The following CAPN9 variants were observed in gnomAD, a reference collection of about 807,000 sequenced individuals.
CAPN9 encodes calpain 9, also known as calpain-9.
CAPN9 carries 81 observed loss-of-function variants against 92.8 expected under a neutral mutation model. The observed-to-expected ratio is 0.87, with a 90% CI of 0.73 to 1.05. CAPN9 has a LOEUF of 1.05. CAPN9 is among the 50% of genes least tolerant of loss of function. CAPN9 has a pLI of 0.00. For missense variants in CAPN9, 848 were observed against 866.2 expected, an observed-to-expected ratio of 0.98 and a Z score of 0.26; for synonymous variants, 304 against 328.0, an observed-to-expected ratio of 0.93 and a Z score of 0.79.
At chr1:230,797,111 G>A (rs1407914981) in intron 18 of CAPN9, among the ~76,000 whole-genome samples, 2 of 152,162 alleles carry the variant, frequency 1.3e-5, no homozygotes, top group Admixed American at 6.5e-5. Context: ...TGATGACCAG[G>A]CTGCACAGTT....
In CAPN9 at chr1:230,755,248, C is replaced by T. The variant is rs1665148950; in HGVS notation, c.214-89C>T. On this transcript the variant is annotated intron_variant, in intron 1 of 19. Transcript: ENST00000271971. ...TCAAGCACAGGGAAAGCCCTCTGCC[C>T]CAAGAAAGCAGAGAGACCCTGAGCC... 7.6e-6 allele frequency: 8 copies of T among 1,051,868 alleles called. No individual in the cohort carries two copies. The Admixed American group carries it at 1.5e-4, about 19-fold the overall frequency. 65.2% of individuals were successfully genotyped at this position (1,051,868 alleles called of 1,614,324 possible).
chr1:230,795,626 T>C, intron 18 of CAPN9: 1 of 223,882 alleles, frequency 4.5e-6, no homozygotes, highest in Non-Finnish European at 9.0e-6. Flanking sequence ...TCCCCCTTCC[T>C]CCCCCCTTCC....
rs560870499 is a variant in CAPN9 at position 230,768,630 on chromosome 1, AAC to A, written c.706-541_706-540del. On this transcript the variant is annotated intron_variant, in intron 5 of 19. Transcript: ENST00000271971. ...TTTTAAAATTTTCTCTATGCATACA[AAC>A]ACACACACTTATAATTTTATCTCAT... Among the ~76,000 whole-genome samples the A allele has an allele frequency of 7.2e-5, 11 of 152,238 alleles. No homozygotes were observed. In the South Asian group the frequency reaches 2.3e-3, roughly 32 times the overall value.
chr1:230,766,506 T>C (rs143531218), intron 4 of CAPN9, among the ~76,000 whole-genome samples: 3 of 152,212 alleles, frequency 2.0e-5, no homozygotes, highest in East Asian at 1.9e-4. Context: ...TGCCCAGGAC[T>C]CCTCAAAACC....
chr1:230,792,489 T>C lies in CAPN9; in HGVS notation c.1786T>C (p.Trp596Arg). ...AGTGTTCTGGGACAAGCTGAAGCAG[T>C]GGATTGTATGTAACCTGGAGCAGGG... ...FKVFWDKLKQ[W>R]INLFLRFDAD... is the part of the protein sequence containing the mutation. The change falls in exon 16 of 20, where the codon TGG (tryptophan) becomes CGG (arginine). Residue 596 changes from tryptophan to arginine, a missense_variant. Physicochemically the swap from Trp to Arg is moderately radical, Grantham distance 101. Transcript: ENST00000271971. The C allele has an allele frequency of 6.2e-7, 1 of 1,613,016 alleles. No homozygotes were observed. Among genetic ancestry groups the C allele is most frequent in the Non-Finnish European group, 8.5e-7 (1 of 1,179,058 alleles).
intron 5 of CAPN9, among the ~76,000 whole-genome samples, chr1:230,768,629 A>C (rs1481474007): frequency 6.6e-6 from 1 of 152,040 alleles, no homozygotes; most frequent in African/African-American, 2.4e-5. Context: ...CTATGCATAC[A>C]AACACACACA....
intron 8 of CAPN9, among the ~76,000 whole-genome samples, chr1:230,778,652 C>A (rs1039049260): frequency 7.9e-5 from 12 of 152,108 alleles, no homozygotes; most frequent in Non-Finnish European, 1.2e-4. Flanking sequence ...TCAGAATGTG[C>A]CCCATCAGTA....
intron 19 of CAPN9, among the ~76,000 whole-genome samples, chr1:230,799,957 T>C (rs1668570948): frequency 6.6e-6 from 1 of 151,250 alleles, no homozygotes; most frequent in Admixed American, 6.6e-5. Context: ...GGCGGGTGAA[T>C]CACGAGGTCA....
At chr1:230,763,284 G>T (rs3790961) in intron 4 of CAPN9, among the ~76,000 whole-genome samples, 8,096 of 152,208 alleles carry the variant, frequency 0.053, 400 homozygotes, top group East Asian at 0.26. Flanking sequence ...TTTTAAGTGT[G>T]CAGTTGAGTA....
rs374500717 is a variant in CAPN9 at position 230,747,721 on chromosome 1, G to T, written c.213+12G>T. 9 of 1,612,688 alleles carry T rather than the reference G, an allele frequency of 5.6e-6. No homozygotes were observed. Among genetic ancestry groups the T allele is most frequent in the Non-Finnish European group, 7.6e-6 (9 of 1,178,884 alleles). On this transcript the variant is annotated intron_variant, in intron 1 of 19. Coordinates refer to ENST00000271971, the MANE Select transcript of CAPN9 (RefSeq NM_006615.3). Reference sequence around the variant, plus strand: ...GGAAACGACCAGGGGTGAGTGGGGCGAGCAGGGGAAGGAGCATAGATGAGG... The same window carrying T: ...GGAAACGACCAGGGGTGAGTGGGGCTAGCAGGGGAAGGAGCATAGATGAGG...
At chr1:230,772,773 A>G (rs551695968) in intron 7 of CAPN9, among the ~76,000 whole-genome samples, 5 of 151,864 alleles carry the variant, frequency 3.3e-5, no homozygotes, top group Middle Eastern at 3.4e-3. Flanking sequence ...AAAGGAAAAA[A>G]AATAGAGGAC....
At chr1:230,761,525 G>A (rs1665637708) in intron 3 of CAPN9, among the ~76,000 whole-genome samples, 1 of 150,712 alleles carries the variant, frequency 6.6e-6, no homozygotes, top group African/African-American at 2.5e-5. Context: ...GGGAGGTCCA[G>A]CTGGAGCAGG....
intron 12 of CAPN9, among the ~76,000 whole-genome samples, chr1:230,786,932 G>C (rs1471401404): frequency 6.6e-6 from 1 of 152,010 alleles, no homozygotes; most frequent in Non-Finnish European, 1.5e-5. Flanking sequence ...CTCGCAAGAG[G>C]CCCTGAGATA....
chr1:230,767,560 G>C lies in CAPN9; in HGVS notation c.556G>C (p.Ala186Pro). The change falls in exon 5 of 20, where the codon GCT (alanine) becomes CCT (proline). Residue 186 changes from alanine (A) to proline (P), a missense_variant. Transcript: ENST00000271971. ...TTGCAGGCTAAATGGGAGCTATGAA[G>C]CTCTGAAGGGAGGCAGCGCCATCGA... ...AYAKLNGSYE[A>P]LKGGSAIEAM... is the part of the protein sequence containing the mutation. 1 of 1,612,774 alleles carries C rather than the reference G, an allele frequency of 6.2e-7. No homozygotes were observed.
intron 1 of CAPN9, among the ~76,000 whole-genome samples, chr1:230,748,273 G>A (rs535467045): frequency 3.9e-5 from 6 of 152,298 alleles, no homozygotes; most frequent in South Asian, 2.1e-4. Flanking sequence ...TGGAGGTGTC[G>A]TCCCAAGAGG....
At chr1:230,754,639 CAA>C (rs58791351) in intron 1 of CAPN9, among the ~76,000 whole-genome samples, 10,715 of 124,442 alleles carry the variant, frequency 0.086, 513 homozygotes, top group East Asian at 0.26. Context: ...CCCATCTCCA[CAA>C]AAAAAAAAAA....
At chr1:230,798,007 G>C (rs369061138) in intron 18 of CAPN9, among the ~76,000 whole-genome samples, 155 bp from the exon 19 acceptor site, 1 of 152,116 alleles carries the variant, frequency 6.6e-6, no homozygotes, top group Non-Finnish European at 1.5e-5. Flanking sequence ...CCCTTGATGA[G>C]AGTCCCATCG....
In CAPN9 at chr1:230,801,709, C is replaced by T. The variant is rs1334647370; in HGVS notation, c.*113C>T. On this transcript the variant is annotated 3_prime_UTR_variant, in exon 20 of 20. Coordinates refer to ENST00000271971, the MANE Select transcript of CAPN9 (RefSeq NM_006615.3). ...CGCCCAGGGTTCACTCCCCTCTCAT[C>T]GTCCGGCCTTCTCCCTTCATCTTGA... is the stretch of plus-strand genomic sequence containing the variant. 26 of 930,876 alleles carry T rather than the reference C, an allele frequency of 2.8e-5. No homozygotes were observed. The highest frequency in any genetic ancestry group is 4.8e-5 in the East Asian group (2 of 41,694). The allele number at this position is 930,876 out of a possible 1,614,324, so 57.7% of individuals were successfully genotyped here.
intron 3 of CAPN9, among the ~76,000 whole-genome samples, chr1:230,759,846 A>T (rs1665522016): frequency 6.6e-6 from 1 of 152,248 alleles, no homozygotes; most frequent in South Asian, 2.1e-4. Flanking sequence ...CTTATGGAGC[A>T]TACATTTAAA....
Sources: allele counts gnomAD v4.1 joint callset (sites outside exome capture counted in the v4.1 genomes callset), GRCh38; gene constraint gnomAD v4.1.1; transcripts MANE v1.5; gene names NCBI Gene and HGNC (gene_info 2026-07-23, HGNC 2026-07-21).